The following CACNA1C variants were observed in gnomAD, a reference collection of about 807,000 sequenced individuals.
CACNA1C encodes calcium voltage-gated channel subunit alpha1 C.
Under a neutral mutation model 229.0 loss-of-function variants are expected in CACNA1C, and 30 were observed. The observed-to-expected ratio is 0.13, with a 90% CI of 0.10 to 0.18. The LOEUF is 0.18. CACNA1C is among the 10% of genes least tolerant of loss of function. The pLI, the probability that CACNA1C is intolerant of heterozygous loss-of-function variation, is 1.00. For synonymous variants in CACNA1C, 1,114 were observed against 1,132.5 expected (o/e 0.98, Z 0.33); for missense variants, 1,658 against 2,845.0 (o/e 0.58, Z 9.49).
chr12:2,533,815 G>A (rs1257393468), intron 9 of CACNA1C, among the ~76,000 whole-genome samples: 2 of 152,184 alleles, frequency 1.3e-5, no homozygotes, highest in African/African-American at 4.8e-5. Context: ...GGCAGCCTCA[G>A]TTTTCTCATC....
intron 24 of CACNA1C, 97 bp from the exon 25 acceptor site, chr12:2,606,514 C>T: frequency 1.0e-6 from 1 of 991,514 alleles, no homozygotes. Flanking sequence ...CCCACTGTCC[C>T]TAGCACAGTG....
chr12:2,241,202 C>T (rs1049755699), intron 3 of CACNA1C, among the ~76,000 whole-genome samples: 10 of 152,098 alleles, frequency 6.6e-5, no homozygotes, highest in Non-Finnish European at 1.2e-4. Flanking sequence ...ACTGCAGCCC[C>T]GCTATGTCCC....
At chr12:2,463,001 C>T (rs966465050) in intron 5 of CACNA1C, among the ~76,000 whole-genome samples, 1 of 149,446 alleles carries the variant, frequency 6.7e-6, no homozygotes, top group East Asian at 2.0e-4. Context: ...TAAGCTCCGC[C>T]TCCTGGGTTC....
At chr12:2,160,420 G>C (rs1015392590) in intron 3 of CACNA1C, among the ~76,000 whole-genome samples, 1 of 152,214 alleles carries the variant, frequency 6.6e-6, no homozygotes, top group Admixed American at 6.5e-5. Context: ...TGCATCCTCA[G>C]ACGGCTCGTA....
chr12:2,370,424 A>G (rs935961650), intron 3 of CACNA1C, among the ~76,000 whole-genome samples: 1 of 152,242 alleles, frequency 6.6e-6, no homozygotes, highest in African/African-American at 2.4e-5. Context: ...GCTCATGTAT[A>G]ACAGCAAGAA....
Position 2,115,281 on chromosome 12 carries a change from C to A in CACNA1C, c.107C>A (p.Ala36Glu). The A allele has an allele frequency of 6.3e-7, 1 of 1,589,230 alleles. No homozygotes were observed. The highest frequency in any genetic ancestry group is 8.6e-7 in the Non-Finnish European group (1 of 1,168,128). The part of the protein sequence containing the change: ...AHANMNANAA[A>E]GLAPEHIPTP... ...GCCAACATGAATGCCAATGCGGCAGCGGGGCTGGCCCCTGAGCACATCCCC... is the reference window on the plus strand; with the variant it reads ...GCCAACATGAATGCCAATGCGGCAGAGGGGCTGGCCCCTGAGCACATCCCC... The change falls in exon 2 of 47, where the codon GCG (alanine) becomes GAG (glutamate). Residue 36 changes from alanine to glutamate, a missense_variant. By Grantham distance (107) the Ala-to-Glu change is moderately radical. Coordinates refer to ENST00000399655, the MANE Select transcript of CACNA1C (RefSeq NM_000719.7).
chr12:1,976,487 CTGACTAAATATGAAA>C (rs1363861095), intron 1 of CACNA1C, among the ~76,000 whole-genome samples: 8 of 152,180 alleles, frequency 5.3e-5, no homozygotes, highest in African/African-American at 1.9e-4. Context: ...GTTACCTATT[CTGACTAAATATGAAA>C]TGTCAAATTC....
At chr12:2,229,587 G>T (rs1032225186) in intron 3 of CACNA1C, among the ~76,000 whole-genome samples, 11 of 152,132 alleles carry the variant, frequency 7.2e-5, no homozygotes, top group Non-Finnish European at 1.2e-4. Flanking sequence ...GTAAAGCAGG[G>T]GAATGGGGTG....
chr12:2,282,945 A>G (rs953297351), intron 3 of CACNA1C, among the ~76,000 whole-genome samples: 2 of 151,876 alleles, frequency 1.3e-5, no homozygotes, highest in African/African-American at 2.4e-5. Flanking sequence ...ATGGTTGTCA[A>G]TGGGGCTCCA....
chr12:2,005,441 A>G lies in CACNA1C; in HGVS notation c.139+34240A>G, dbSNP rs565124724. Among the ~76,000 whole-genome samples, 4 of 152,358 alleles carry G rather than the reference A, an allele frequency of 2.6e-5. No individual in the cohort carries two copies. In the South Asian group the frequency reaches 6.2e-4, roughly 24 times the overall value. Reference sequence around the variant, plus strand: ...AGATGGGCAAACTATGATTATTCAAACAGGTACTTGACAGACATTTTTCTG... The same window carrying G: ...AGATGGGCAAACTATGATTATTCAAGCAGGTACTTGACAGACATTTTTCTG... On this transcript the variant is annotated intron_variant, in intron 1 of 46. Transcript: ENST00000682462.
In CACNA1C at chr12:2,633,812, G is replaced by T; in HGVS notation, c.3829-485G>T. On this transcript the variant is annotated intron_variant, in intron 29 of 46. Coordinates refer to ENST00000399655, the MANE Select transcript of CACNA1C (RefSeq NM_000719.7). The surrounding 1 kb of genome is among the most constrained non-coding windows in gnomAD (Gnocchi z 5.8). ...ACTCTCTCTGTTTACCTTCTTTTATGTTTTTTTTAATTTCCTGTTTTTACC... is the reference window on the plus strand; with the variant it reads ...ACTCTCTCTGTTTACCTTCTTTTATTTTTTTTTTAATTTCCTGTTTTTACC... The T allele has an allele frequency of 1.5e-5, 11 of 712,542 alleles. No individual in the cohort carries two copies. Among genetic ancestry groups the T allele is most frequent in the East Asian group, 5.7e-5 (2 of 34,958 alleles). 44.1% of individuals were successfully genotyped at this position (712,542 alleles called of 1,614,324 possible). A position where few individuals can be genotyped will look rare whatever the true frequency, so the allele number is the denominator to read the frequency against.
In CACNA1C at chr12:2,677,511, G is replaced by C. The variant is rs2302730; in HGVS notation, c.4957-222G>C. 0.086 allele frequency: 53,928 copies of C among 625,370 alleles called. 5,394 individuals are homozygous for C. The highest frequency in any genetic ancestry group is 0.37 in the African/African-American group (20,111 of 54,418). The allele number at this position is 625,370 out of a possible 1,614,324, so 38.7% of individuals were successfully genotyped here. ...GACAGCCCCTGACCCCTGGTGCCCC[G>C]TCCTAATGAGCCTTCATCCCTCCTG... On this transcript the variant is annotated intron_variant, in intron 40 of 46. Transcript: ENST00000399655. The surrounding 1 kb of genome is among the most constrained non-coding windows in gnomAD (Gnocchi z 7.4).
chr12:2,694,713 G>A lies in CACNA1C; in HGVS notation c.*3514G>A, dbSNP rs903516064. ...CATGTCTCCTGCCCATGCAGCTGAA[G>A]ACAGTGGGGCAACCTCAGGAGAAGC... On this transcript the variant is annotated 3_prime_UTR_variant, in exon 47 of 47. Coordinates refer to ENST00000399655, the MANE Select transcript of CACNA1C (RefSeq NM_000719.7). 2 of 152,226 alleles carry A rather than the reference G, an allele frequency of 1.3e-5. No individual in the cohort carries two copies. Among genetic ancestry groups the A allele is most frequent in the East Asian group, 3.9e-4 (2 of 5,194 alleles). 9.4% of individuals were successfully genotyped at this position (152,226 alleles called of 1,614,324 possible). A position where few individuals can be genotyped will look rare whatever the true frequency, so the allele number is the denominator to read the frequency against.
At chr12:2,447,198 G>A (rs115795395) in intron 3 of CACNA1C, among the ~76,000 whole-genome samples, 1,536 of 152,248 alleles carry the variant, frequency 0.01, 25 homozygotes, top group African/African-American at 0.034. Context: ...ACATTGCCCT[G>A]ATGTACATTT....
chr12:2,572,355 TCTCCTCCTCCTTCTC>T (rs1568495282), intron 13 of CACNA1C, among the ~76,000 whole-genome samples: 2 of 102,054 alleles, frequency 2.0e-5, no homozygotes, highest in Non-Finnish European at 4.0e-5. Flanking sequence ...CTCCTCCTCC[TCTCCTCCTCCTTCTC>T]CTCTTCCTCC....
At chr12:2,619,274 C>A (rs923801546) in intron 29 of CACNA1C, among the ~76,000 whole-genome samples, 21 of 152,306 alleles carry the variant, frequency 1.4e-4, no homozygotes, top group African/African-American at 3.8e-4. Flanking sequence ...GAGGTCATAT[C>A]TACAGAGGAA....
At chr12:2,455,679 C>A (rs2099413295) in intron 4 of CACNA1C, among the ~76,000 whole-genome samples, 1 of 152,158 alleles carries the variant, frequency 6.6e-6, no homozygotes, top group African/African-American at 2.4e-5. Context: ...ACTCCACCAA[C>A]ACAGATGCCT....
At chr12:2,044,793 G>C (rs900735292) in intron 1 of CACNA1C, among the ~76,000 whole-genome samples, 3 of 152,176 alleles carry the variant, frequency 2.0e-5, no homozygotes, top group Non-Finnish European at 4.4e-5. Context: ...ATCAAGGAAA[G>C]GGTTACCTGA....
chr12:2,019,395 G>T (rs2045979785), intron 1 of CACNA1C, among the ~76,000 whole-genome samples: 1 of 151,760 alleles, frequency 6.6e-6, no homozygotes, highest in South Asian at 2.1e-4. Context: ...AGGAGTGCAA[G>T]GCTGCAGTGA....
Sources: gnomAD v4.1 joint callset for allele counts (sites outside exome capture counted in the v4.1 genomes callset) on GRCh38, gnomAD v4.1.1 for gene constraint, Gnocchi (gnomAD v3.1) non-coding constraint, MANE v1.5 for transcripts, NCBI Gene and HGNC (gene_info 2026-07-23, HGNC 2026-07-21) for gene names.